The following ZNF610 variants were observed in gnomAD, a reference collection of about 807,000 sequenced individuals.
The protein encoded by ZNF610 is zink finger protein.
A neutral mutation model predicts 14.1 loss-of-function variants in ZNF610; 14 were observed. The ratio of observed to expected loss-of-function variants is 0.99; its 90% CI spans 0.65 to 1.55. The LOEUF is 1.55. ZNF610 is among the 40% of genes most tolerant of loss of function. The pLI is 0.00. For synonymous variants in ZNF610, 185 were observed against 187.6 expected (o/e 0.99, Z 0.11); for missense variants, 530 against 558.0 (o/e 0.95, Z 0.51).
chr19:52,335,004 G>C (rs1468821653), upstream of ZNF610, among the ~76,000 whole-genome samples: 1 of 127,264 alleles, frequency 7.9e-6, no homozygotes. Context: ...TTTTTTAAAA[G>C]CAACAGTTGG....
intron 5 of ZNF610, among the ~76,000 whole-genome samples, chr19:52,360,516 C>T (rs1985725994): frequency 6.6e-6 from 1 of 152,154 alleles, no homozygotes; most frequent in Admixed American, 6.5e-5. Flanking sequence ...TTCATTATTT[C>T]AACACTGAGT....
upstream of ZNF610, among the ~76,000 whole-genome samples, chr19:52,335,732 G>A (rs534342052): frequency 6.6e-6 from 1 of 152,178 alleles, no homozygotes; most frequent in African/African-American, 2.4e-5. Context: ...TCTGTGGGCC[G>A]TCAGCATGAA....
chr19:52,363,049 A>C (rs965504810), intron 5 of ZNF610, among the ~76,000 whole-genome samples: 16 of 151,990 alleles, frequency 1.1e-4, no homozygotes, highest in Non-Finnish European at 1.3e-4. Flanking sequence ...AAGAAAGAAG[A>C]AGCTCCCCTG....
upstream of ZNF610, among the ~76,000 whole-genome samples, chr19:52,334,342 G>A (rs371968436): frequency 1.3e-4 from 4 of 30,140 alleles, no homozygotes; most frequent in African/African-American, 5.0e-4. Context: ...GTGAAATCCC[G>A]TCTCTACTAA....
chr19:52,352,892 T>G (rs912989397), intron 3 of ZNF610, among the ~76,000 whole-genome samples: 3 of 152,158 alleles, frequency 2.0e-5, no homozygotes, highest in African/African-American at 7.2e-5. Context: ...AATTATCTAG[T>G]AATTTCTTAA....
intron 1 of ZNF610, among the ~76,000 whole-genome samples, chr19:52,339,949 G>A (rs992136520): frequency 1.5e-4 from 23 of 152,176 alleles, no homozygotes; most frequent in African/African-American, 5.1e-4. Context: ...GTGAGCCACC[G>A]ATCCTGGCTG....
rs762823718 is a variant in ZNF610 at position 52,366,498 on chromosome 19, T to C, written c.1120T>C (p.Cys374Arg). 4.3e-6 allele frequency: 7 copies of C among 1,614,154 alleles called. No individual in the cohort carries two copies. The South Asian group carries it at 7.7e-5, about 18-fold the overall frequency. ...IIHSTEKPYK[C>R]NECGRAFHKR... ...TCATAGTACAGAGAAGCCCTACAAA[T>C]GTAACGAATGTGGAAGAGCATTTCA... The change falls in exon 6 of 6, where the codon TGT (cysteine) becomes CGT (arginine). Residue 374 changes from cysteine (C) to arginine (R), a missense_variant. Coordinates refer to ENST00000403906, the MANE Select transcript of ZNF610 (RefSeq NM_001161425.2).
rs1346943008 is a variant in ZNF610 at position 52,367,059 on chromosome 19, A to G, written c.*292A>G. On this transcript the variant is annotated 3_prime_UTR_variant, in exon 6 of 6. Coordinates refer to ENST00000403906, the MANE Select transcript of ZNF610 (RefSeq NM_001161425.2). ...TTAACTGCTGGCACCGTAATTTGTA[A>G]CTCTTTGATTTAGAATGTACATACT... is the stretch of plus-strand genomic sequence containing the variant. 2.8e-6 allele frequency: 1 copy of G among 361,530 alleles called. No individual in the cohort carries two copies. The highest frequency in any genetic ancestry group is 2.1e-5 in the African/African-American group (1 of 47,592). The allele number at this position is 361,530 out of a possible 1,614,324, so 22.4% of individuals were successfully genotyped here. A position where few individuals can be genotyped will look rare whatever the true frequency, so the allele number is the denominator to read the frequency against.
At chr19:52,341,447 T>C (rs1157477180) in intron 1 of ZNF610, among the ~76,000 whole-genome samples, 4 of 151,216 alleles carry the variant, frequency 2.6e-5, no homozygotes, top group Admixed American at 1.3e-4. Flanking sequence ...GTAGCTGGGA[T>C]TACAAGCACA....
chr19:52,359,733 G>A (rs1985691903), intron 5 of ZNF610, among the ~76,000 whole-genome samples: 1 of 152,128 alleles, frequency 6.6e-6, no homozygotes, highest in Non-Finnish European at 1.5e-5. Flanking sequence ...CTACAGTTCA[G>A]TTCTGACACT....
intron 1 of ZNF610, among the ~76,000 whole-genome samples, chr19:52,345,995 C>A (rs547862375): frequency 6.7e-6 from 1 of 149,406 alleles, no homozygotes; most frequent in Non-Finnish European, 1.5e-5. Context: ...TGAGCCACTG[C>A]GGCCAGCTTA....
At chr19:52,364,465 A>G (rs776095416) in intron 5 of ZNF610, among the ~76,000 whole-genome samples, 11 of 152,210 alleles carry the variant, frequency 7.2e-5, no homozygotes, top group Non-Finnish European at 1.6e-4. Context: ...AGACAGTTCC[A>G]AGGTACTAAT....
chr19:52,333,043 C>T (rs1054325164), upstream of ZNF610, among the ~76,000 whole-genome samples: 1 of 152,100 alleles, frequency 6.6e-6, no homozygotes, highest in African/African-American at 2.4e-5. Flanking sequence ...GCCCCAGTAT[C>T]ATCAGGCCAA....
At chr19:52,354,130 G>T (rs1985403069) in intron 4 of ZNF610, 121 bp from the exon 5 acceptor site, 3 of 1,375,696 alleles carry the variant, frequency 2.2e-6, no homozygotes, top group Non-Finnish European at 2.0e-6. Flanking sequence ...GAGCCAGTCT[G>T]TGGGTGAACT....
chr19:52,347,016 C>G (rs1388377828), intron 1 of ZNF610: 3 of 152,268 alleles, frequency 2.0e-5, no homozygotes, highest in Non-Finnish European at 4.4e-5. Flanking sequence ...GTGTGAGCTA[C>G]TGCACCAGGC....
In ZNF610 at chr19:52,366,262, A is replaced by T; in HGVS notation, c.884A>T (p.Lys295Ile). ...EKPHKCNECG[K>I]AFRECSGLTT... is the part of the protein sequence containing the mutation. ...CCTCACAAATGTAACGAATGTGGCAAAGCTTTTAGAGAGTGTTCGGGACTT... is the reference window on the plus strand; with the variant it reads ...CCTCACAAATGTAACGAATGTGGCATAGCTTTTAGAGAGTGTTCGGGACTT... The change falls in exon 6 of 6, where the codon AAA becomes ATA. Residue 295 changes from lysine (K) to isoleucine (I), a missense_variant. Physicochemically the swap from Lys to Ile is moderately radical, Grantham distance 102. Coordinates refer to ENST00000403906, the MANE Select transcript of ZNF610 (RefSeq NM_001161425.2). The T allele has an allele frequency of 6.2e-7, 1 of 1,613,284 alleles. No homozygotes were observed. Among genetic ancestry groups the T allele is most frequent in the Non-Finnish European group, 8.5e-7 (1 of 1,179,390 alleles).
chr19:52,361,984 A>G (rs2434460), intron 5 of ZNF610, among the ~76,000 whole-genome samples: 30,186 of 152,086 alleles, frequency 0.2, 3,164 homozygotes, highest in East Asian at 0.33. Context: ...GCAGTAGTGC[A>G]ATCATAGCTC....
At chr19:52,330,666 G>T in the ZNF610 span, among the ~76,000 whole-genome samples, 2 of 152,228 alleles carry the variant, frequency 1.3e-5, no homozygotes, top group Admixed American at 1.3e-4. Flanking sequence ...GGTGGAGAGT[G>T]CAGGACACGC....
chr19:52,331,150 A>C, the ZNF610 span, among the ~76,000 whole-genome samples: 1 of 152,218 alleles, frequency 6.6e-6, no homozygotes, highest in Non-Finnish European at 1.5e-5. Context: ...TGACAGACAC[A>C]GCCTCAGACA....
Sources: gnomAD v4.1 joint callset for allele counts (sites outside exome capture counted in the v4.1 genomes callset) on GRCh38, gnomAD v4.1.1 for gene constraint, MANE v1.5 for transcripts, NCBI Gene and HGNC (gene_info 2026-07-23, HGNC 2026-07-21) for gene names.